The following HIGD1B variants were observed in gnomAD, a reference collection of about 807,000 sequenced individuals.
HIGD1B encodes the protein HIG1 domain family member 1B.
Under a neutral mutation model 8.8 loss-of-function variants are expected in HIGD1B, and 9 were observed. The observed-to-expected ratio is 1.02, with a 90% CI of 0.62 to 1.78. The LOEUF is 1.78. Ranked by LOEUF, HIGD1B falls within the 40% of genes most tolerant of loss-of-function variation. HIGD1B has a pLI of 0.00. For missense variants in HIGD1B, 126 were observed against 111.8 expected (o/e 1.13, Z -0.57); for synonymous variants, 47 against 38.8 (o/e 1.21, Z -0.78).
intron 1 of HIGD1B, chr17:44,849,023 C>A (rs2050370884): frequency 2.3e-6 from 1 of 438,762 alleles, no homozygotes; most frequent in Non-Finnish European, 4.1e-6. Flanking sequence ...GATCCACCTG[C>A]CTCAGTCTCC....
At chr17:44,849,551 GGA>G (rs765538648) in intron 2 of HIGD1B, among the ~76,000 whole-genome samples, 163 bp downstream of exon 2, 20 of 152,034 alleles carry the variant, frequency 1.3e-4, no homozygotes, top group Non-Finnish European at 2.8e-4. Flanking sequence ...CATGAGGTCT[GGA>G]GAGAGAGACC....
At chr17:44,850,248 A>T in intron 2 of HIGD1B, 84 bp from the exon 3 acceptor site, 1 of 1,032,982 alleles carries the variant, frequency 9.7e-7, no homozygotes, top group Non-Finnish European at 1.5e-6. Context: ...GAGCAGCTAG[A>T]GGTGAACCCC....
At chr17:44,845,770 A>G (rs543834337), upstream of HIGD1B, among the ~76,000 whole-genome samples, 4 of 152,158 alleles carry the variant, frequency 2.6e-5, no homozygotes, top group South Asian at 2.1e-4. Flanking sequence ...CGCCTCTACT[A>G]AAAATAAAAA....
At chr17:44,848,916 T>C (rs1191297496) in intron 1 of HIGD1B, among the ~76,000 whole-genome samples, 1 of 152,024 alleles carries the variant, frequency 6.6e-6, no homozygotes, top group Non-Finnish European at 1.5e-5. Flanking sequence ...GTTGGGATTA[T>C]AGGCATGCAC....
upstream of HIGD1B, among the ~76,000 whole-genome samples, chr17:44,845,610 C>A (rs2050316044): frequency 6.6e-6 from 1 of 151,850 alleles, no homozygotes; most frequent in South Asian, 2.1e-4. Context: ...CAGAGGGAGA[C>A]CCCATCTCAA....
rs1466248481 is a variant in HIGD1B at position 44,847,903 on chromosome 17, G to C, written c.-250G>C. 1 of 401,960 alleles carries C rather than the reference G, an allele frequency of 2.5e-6. No homozygotes were observed. Among genetic ancestry groups the C allele is most frequent in the African/African-American group, 2.1e-5 (1 of 47,928 alleles). 24.9% of individuals were successfully genotyped at this position (401,960 alleles called of 1,614,324 possible). ...AAAGCAGTGAAGACAGAATGAGCTGGGGAAGAGGCAGATGGTAGGAAATGG... is the reference window on the plus strand; with the variant it reads ...AAAGCAGTGAAGACAGAATGAGCTGCGGAAGAGGCAGATGGTAGGAAATGG... On this transcript the variant is annotated 5_prime_UTR_variant, in exon 1 of 3. Transcript: ENST00000253410.
rs1228700511 is a variant in HIGD1B at position 44,848,101 on chromosome 17, G to A, written c.-52G>A. ...TCTGATTGTGGAGTGCCTCTCTCTA[G>A]GACGGGGCTGCAGCATAGGAGTCTC... On this transcript the variant is annotated 5_prime_UTR_variant, in exon 1 of 3. Coordinates refer to ENST00000253410, the MANE Select transcript of HIGD1B (RefSeq NM_016438.4). 3.6e-6 allele frequency: 3 copies of A among 840,132 alleles called. No individual in the cohort carries two copies. Among genetic ancestry groups the A allele is most frequent in the Middle Eastern group, 3.0e-4 (1 of 3,344 alleles). 52.0% of individuals were successfully genotyped at this position (840,132 alleles called of 1,614,324 possible). A position where few individuals can be genotyped will look rare whatever the true frequency, so the allele number is the denominator to read the frequency against.
At chr17:44,846,094 G>A (rs1028350375), upstream of HIGD1B, among the ~76,000 whole-genome samples, 3 of 151,852 alleles carry the variant, frequency 2.0e-5, no homozygotes, top group Middle Eastern at 3.4e-3. Context: ...CTCCATCTCC[G>A]TTCTCCTCAT....
intron 1 of HIGD1B, 84 bp from the exon 2 acceptor site, chr17:44,849,170 C>T (rs756647564): frequency 3.3e-6 from 5 of 1,533,044 alleles, no homozygotes; most frequent in Non-Finnish European, 3.5e-6. Context: ...ATCCAGATGC[C>T]CAGCCTGCCT....
chr17:44,847,988 CT>C lies in HIGD1B; in HGVS notation c.-161del. 2.0e-6 allele frequency: 1 copy of C among 508,432 alleles called. No homozygotes were observed. The allele number at this position is 508,432 out of a possible 1,614,324, so 31.5% of individuals were successfully genotyped here. A position where few individuals can be genotyped will look rare whatever the true frequency, so the allele number is the denominator to read the frequency against. Reference sequence around the variant, plus strand: ...GAGATGGGATACCTGGGAGGGACATCTTTTCAAGTAGAGGCTGTGTTGGGGC... The same window carrying C: ...GAGATGGGATACCTGGGAGGGACATCTTTCAAGTAGAGGCTGTGTTGGGGC... On this transcript the variant is annotated 5_prime_UTR_variant, in exon 1 of 3. It introduces an in-frame stop codon into an upstream open reading frame of the 5' UTR. Coordinates refer to ENST00000253410, the MANE Select transcript of HIGD1B (RefSeq NM_016438.4).
intron 2 of HIGD1B, among the ~76,000 whole-genome samples, chr17:44,849,758 C>CAAAA (rs61617877): frequency 1.9e-5 from 1 of 52,546 alleles, no homozygotes; most frequent in African/African-American, 6.9e-5. Flanking sequence ...GACTCTGTCT[C>CAAAA]AAAAAAAAAA....
At chr17:44,845,693 G>T (rs1273238185), upstream of HIGD1B, among the ~76,000 whole-genome samples, 1 of 152,092 alleles carries the variant, frequency 6.6e-6, no homozygotes, top group Non-Finnish European at 1.5e-5. Context: ...CAGCACTTTG[G>T]GAGGCTGAGC....
At chr17:44,847,836 A>G, upstream of HIGD1B, 1 of 220,018 alleles carries the variant, frequency 4.5e-6, no homozygotes, top group Non-Finnish European at 9.0e-6. Context: ...TGGCCCAAGG[A>G]TCACACCCAT....
chr17:44,849,758 C>CAAAAAAAAAAAAAAAAAAAAA (rs61617877), intron 2 of HIGD1B, among the ~76,000 whole-genome samples: 1 of 52,542 alleles, frequency 1.9e-5, no homozygotes, highest in African/African-American at 7.0e-5. Flanking sequence ...GACTCTGTCT[C>CAAAAAAAAAAAAAAAAAAAAA]AAAAAAAAAA....
chr17:44,849,161 T>A (rs2050376004), intron 1 of HIGD1B, 93 bp from the exon 2 acceptor site: 1 of 1,490,974 alleles, frequency 6.7e-7, no homozygotes, highest in African/African-American at 1.4e-5. Context: ...CAGCTGTTTA[T>A]CCAGATGCCC....
At chr17:44,849,428 G>A (rs73984095) in intron 2 of HIGD1B, 40 bp downstream of exon 2, 27 of 1,610,796 alleles carry the variant, frequency 1.7e-5, no homozygotes, top group East Asian at 4.5e-5. Context: ...GGGCAAAACC[G>A]ATTATGCAGT....
chr17:44,848,104 C>T lies in HIGD1B; in HGVS notation c.-49C>T, dbSNP rs538405094. The T allele has an allele frequency of 1.5e-5, 13 of 842,244 alleles. No homozygotes were observed. The highest frequency in any genetic ancestry group is 1.2e-4 in the African/African-American group (7 of 60,432). The allele number at this position is 842,244 out of a possible 1,614,324, so 52.2% of individuals were successfully genotyped here. On this transcript the variant is annotated 5_prime_UTR_variant, in exon 1 of 3. In the 5' UTR this introduces an upstream ATG that the reference lacks. Coordinates refer to ENST00000253410, the MANE Select transcript of HIGD1B (RefSeq NM_016438.4). ...GATTGTGGAGTGCCTCTCTCTAGGA[C>T]GGGGCTGCAGCATAGGAGTCTCAGC... is the stretch of plus-strand genomic sequence containing the variant.
upstream of HIGD1B, among the ~76,000 whole-genome samples, chr17:44,847,132 G>A (rs953272564): frequency 3.3e-5 from 5 of 151,654 alleles, no homozygotes; most frequent in South Asian, 2.1e-4. Flanking sequence ...GCGAAACTCC[G>A]TCTCAAAAAA....
chr17:44,849,074 G>A, intron 1 of HIGD1B, 180 bp from the exon 2 acceptor site: 1 of 616,322 alleles, frequency 1.6e-6, no homozygotes, highest in Non-Finnish European at 2.7e-6. Context: ...CCATGCCCCG[G>A]CAACAACTCA....
Sources: allele counts gnomAD v4.1 joint callset (sites outside exome capture counted in the v4.1 genomes callset), GRCh38; gene constraint gnomAD v4.1.1; transcripts MANE v1.5; gene names NCBI Gene and HGNC (gene_info 2026-07-23, HGNC 2026-07-21).